Variants in UBE2E2 observed in about 807,000 individuals in gnomAD.
UBE2E2 encodes ubiquitin conjugating enzyme E2 E2.
A neutral mutation model predicts 24.7 loss-of-function variants in UBE2E2; 6 were observed. The observed-to-expected ratio is 0.24, with a 90% CI of 0.13 to 0.48. The LOEUF is 0.48. Ranked by LOEUF, UBE2E2 falls within the 20% of genes least tolerant of loss-of-function variation. The pLI is 0.99. For synonymous variants in UBE2E2, 104 were observed against 83.6 expected (o/e 1.24, Z -1.33); for missense variants, 169 against 245.0 (o/e 0.69, Z 2.07).
At chr3:23,428,607 G>T (rs554916632) in intron 3 of UBE2E2, among the ~76,000 whole-genome samples, 3 of 151,988 alleles carry the variant, frequency 2.0e-5, no homozygotes, top group Admixed American at 2.0e-4. Context: ...TCAAAAGCTG[G>T]TTCTTTGAAA....
chr3:23,318,150 G>C (rs955654409), intron 3 of UBE2E2, among the ~76,000 whole-genome samples: 1 of 151,632 alleles, frequency 6.6e-6, no homozygotes, highest in South Asian at 2.1e-4. Flanking sequence ...TTTATGACAG[G>C]GTTTTAAAAA....
chr3:23,252,890 T>G (rs552753539), intron 3 of UBE2E2, among the ~76,000 whole-genome samples: 1 of 152,332 alleles, frequency 6.6e-6, no homozygotes, highest in South Asian at 2.1e-4. Flanking sequence ...ATGGAGTGTA[T>G]TTTACTTTCA....
intron 3 of UBE2E2, among the ~76,000 whole-genome samples, chr3:23,470,392 G>A (rs939396247): frequency 6.6e-6 from 1 of 152,202 alleles, no homozygotes; most frequent in African/African-American, 2.4e-5. Flanking sequence ...TAATATGCCA[G>A]AATGTTTGAC....
chr3:23,268,993 T>A (rs1252115567), intron 3 of UBE2E2, among the ~76,000 whole-genome samples: 1 of 151,896 alleles, frequency 6.6e-6, no homozygotes, highest in Non-Finnish European at 1.5e-5. Context: ...GAAAACTGGC[T>A]AGCCATATGT....
chr3:23,499,482 G>A (rs955882699), intron 3 of UBE2E2, 126 bp from the exon 4 acceptor site: 49 of 1,142,872 alleles, frequency 4.3e-5, no homozygotes, highest in Admixed American at 1.7e-4. Flanking sequence ...ATCTTAACAT[G>A]AGAGTTAACT....
At chr3:23,526,943 G>A (rs935532395) in intron 4 of UBE2E2, among the ~76,000 whole-genome samples, 2 of 152,006 alleles carry the variant, frequency 1.3e-5, no homozygotes, top group Admixed American at 6.6e-5. Context: ...TGGTTTTAAC[G>A]AAATGTCTCC....
intron 3 of UBE2E2, among the ~76,000 whole-genome samples, chr3:23,498,332 C>G (rs1020839684): frequency 2.0e-5 from 3 of 152,058 alleles, no homozygotes; most frequent in Non-Finnish European, 4.4e-5. Context: ...CTCTGTTTTT[C>G]AAATATAAAA....
chr3:23,210,934 T>A (rs940608689), intron 2 of UBE2E2, among the ~76,000 whole-genome samples: 2 of 152,208 alleles, frequency 1.3e-5, no homozygotes, highest in African/African-American at 4.8e-5. Context: ...CACTACTAAT[T>A]TTTTAATTTA....
At chr3:23,570,017 C>G (rs182800238) in intron 5 of UBE2E2, among the ~76,000 whole-genome samples, 21 of 152,298 alleles carry the variant, frequency 1.4e-4, no homozygotes, top group Admixed American at 3.9e-4. Context: ...TCTTTTAGCA[C>G]TCACTACTGC....
intron 3 of UBE2E2, among the ~76,000 whole-genome samples, chr3:23,496,082 G>C (rs1255288615): frequency 6.6e-6 from 1 of 151,964 alleles, no homozygotes; most frequent in Non-Finnish European, 1.5e-5. Flanking sequence ...TTTCTTAAAA[G>C]ACTTTGACAT....
intron 3 of UBE2E2, among the ~76,000 whole-genome samples, chr3:23,424,056 T>A (rs1211856853): frequency 6.6e-6 from 1 of 152,208 alleles, no homozygotes; most frequent in African/African-American, 2.4e-5. Flanking sequence ...CTTTTAAGGT[T>A]TTCTCTTCAA....
intron 5 of UBE2E2, among the ~76,000 whole-genome samples, chr3:23,568,075 C>A (rs1016969156): frequency 6.6e-6 from 1 of 152,194 alleles, no homozygotes; most frequent in Admixed American, 6.5e-5. Flanking sequence ...ATGTGACTCA[C>A]CAGACTCCCT....
chr3:23,458,568 T>C (rs1324235263), intron 3 of UBE2E2, among the ~76,000 whole-genome samples: 5 of 151,988 alleles, frequency 3.3e-5, no homozygotes, highest in South Asian at 4.1e-4. Context: ...CAGGCGCCCA[T>C]CACCACGCTG....
At position 23,269,005 on chromosome 3, in the gene UBE2E2, G is replaced by A. The variant is rs1196867119; in HGVS notation, c.227+51693G>A. On this transcript the variant is annotated intron_variant, in intron 3 of 5. Transcript: ENST00000396703. Reference sequence around the variant, plus strand: ...TGGGAAAACTGGCTAGCCATATGTAGAAAGCTGAAACTGGATCCCTTCCTT... The same window carrying A: ...TGGGAAAACTGGCTAGCCATATGTAAAAAGCTGAAACTGGATCCCTTCCTT... 2.6e-5 allele frequency among the ~76,000 whole-genome samples: 4 copies of A among 151,856 alleles called. No homozygotes were observed. The East Asian group carries it at 7.7e-4, about 29-fold the overall frequency.
At chr3:23,292,331 A>C (rs1477924233) in intron 3 of UBE2E2, among the ~76,000 whole-genome samples, 2 of 152,138 alleles carry the variant, frequency 1.3e-5, no homozygotes, top group African/African-American at 4.8e-5. Flanking sequence ...TCTTTAAAAC[A>C]GTATTGGTGG....
chr3:23,314,871 A>G (rs893982103), intron 3 of UBE2E2, among the ~76,000 whole-genome samples: 1 of 152,018 alleles, frequency 6.6e-6, no homozygotes, highest in Non-Finnish European at 1.5e-5. Context: ...CACTCTTTTT[A>G]GTATCCTTTA....
At chr3:23,473,248 A>C in intron 3 of UBE2E2, among the ~76,000 whole-genome samples, 1 of 152,058 alleles carries the variant, frequency 6.6e-6, no homozygotes, top group East Asian at 1.9e-4. Flanking sequence ...CACAAAGGAA[A>C]GTTTTTTATT....
chr3:23,270,322 T>TG (rs961460885), intron 3 of UBE2E2, among the ~76,000 whole-genome samples: 27 of 152,256 alleles, frequency 1.8e-4, no homozygotes, highest in Admixed American at 1.8e-3. Context: ...TTGGGTGCCA[T>TG]GCATGTGCTG....
At chr3:23,275,122 A>C (rs569778614) in intron 3 of UBE2E2, among the ~76,000 whole-genome samples, 1 of 152,356 alleles carries the variant, frequency 6.6e-6, no homozygotes, top group South Asian at 2.1e-4. Flanking sequence ...TGATGCCCAC[A>C]TTCTAGAGGA....
Sources: gnomAD v4.1 joint callset for allele counts (sites outside exome capture counted in the v4.1 genomes callset) on GRCh38, gnomAD v4.1.1 for gene constraint, MANE v1.5 for transcripts, NCBI Gene and HGNC (gene_info 2026-07-23, HGNC 2026-07-21) for gene names.